The following APCDD1L variants were observed in gnomAD, a reference collection of about 807,000 sequenced individuals.
APCDD1L encodes APC down-regulated 1 like, also known as protein APCDD1-like.
A neutral mutation model predicts 24.2 loss-of-function variants in APCDD1L; 21 were observed. The ratio of observed to expected loss-of-function variants is 0.87; its 90% CI spans 0.61 to 1.25. APCDD1L has a LOEUF of 1.25. APCDD1L is among the 50% of genes most tolerant of loss of function. The pLI, the probability that APCDD1L is intolerant of heterozygous loss-of-function variation, is 0.00. For synonymous variants in APCDD1L, 321 were observed against 323.6 expected (o/e 0.99, Z 0.09); for missense variants, 704 against 711.7 (o/e 0.99, Z 0.12).
intron 1 of APCDD1L, among the ~76,000 whole-genome samples, chr20:58,512,477 C>T (rs953454560): frequency 6.6e-6 from 1 of 152,068 alleles, no homozygotes; most frequent in Non-Finnish European, 1.5e-5. Flanking sequence ...TGCTAAGCAC[C>T]CCAAAATGCA....
rs1050863874 is a variant in APCDD1L, at chr20:58,459,448, C to T, written c.*1342G>A. 6.6e-6 allele frequency: 1 copy of T among 152,028 alleles called. No homozygotes were observed. The highest frequency in any genetic ancestry group is 2.4e-5 in the African/African-American group (1 of 41,372). 9.4% of individuals were successfully genotyped at this position (152,028 alleles called of 1,614,324 possible). A position where few individuals can be genotyped will look rare whatever the true frequency, so the allele number is the denominator to read the frequency against. On this transcript the variant is annotated 3_prime_UTR_variant, in exon 4 of 4. Coordinates refer to ENST00000371149, the MANE Select transcript of APCDD1L (RefSeq NM_153360.3). ...CACACAGTCTCAGGGAGGAAAAGGG[C>T]TTCCCTCTGAAACCATCATTAACCT...
chr20:58,491,256 A>G (rs1990220720), intron 1 of APCDD1L, among the ~76,000 whole-genome samples: 1 of 152,264 alleles, frequency 6.6e-6, no homozygotes, highest in African/African-American at 2.4e-5. Flanking sequence ...TTTTACTGAC[A>G]GTCCTTGCAG....
chr20:58,515,034 C>G lies in APCDD1L; in HGVS notation c.-327G>C, dbSNP rs768496228. The G allele has an allele frequency of 6.4e-5, 17 of 265,744 alleles. No individual in the cohort carries two copies. The highest frequency in any genetic ancestry group is 9.9e-5 in the Non-Finnish European group (14 of 142,048). 16.5% of individuals were successfully genotyped at this position (265,744 alleles called of 1,614,324 possible). On this transcript the variant is annotated 5_prime_UTR_variant, in exon 1 of 4. Coordinates refer to ENST00000371149, the MANE Select transcript of APCDD1L (RefSeq NM_153360.3). ...GACCCCCAGCCCTCCCCCAGATGTC[C>G]GTCCCCTGGCCGTCGCCTTCCCCAA... is the stretch of plus-strand genomic sequence containing the variant.
chr20:58,479,200 T>C lies in APCDD1L; in HGVS notation c.50-8453A>G, dbSNP rs1402063046. 2.6e-5 allele frequency among the ~76,000 whole-genome samples: 4 copies of C among 152,356 alleles called. No homozygotes were observed. In the East Asian group the frequency reaches 7.7e-4, roughly 29 times the overall value. ...ACAGGTAAAATCAATTTTAATGATA[T>C]ATTTTATCCGGCTCCAAGTACTATA... On this transcript the variant is annotated intron_variant, in intron 1 of 3. Transcript: ENST00000371149.
chr20:58,476,307 C>T (rs1989908658), intron 1 of APCDD1L, among the ~76,000 whole-genome samples: 1 of 152,222 alleles, frequency 6.6e-6, no homozygotes, highest in South Asian at 2.1e-4. Context: ...TCTCCTGCCT[C>T]AGCCTCCTGA....
chr20:58,476,720 T>C (rs1372096563), intron 1 of APCDD1L, among the ~76,000 whole-genome samples: 2 of 152,214 alleles, frequency 1.3e-5, no homozygotes, highest in African/African-American at 2.4e-5. Flanking sequence ...CCAAGCTTTC[T>C]TGTGTAGCCT....
intron 3 of APCDD1L, among the ~76,000 whole-genome samples, chr20:58,463,892 T>TGG (rs1218452331): frequency 1.7e-5 from 1 of 59,770 alleles, no homozygotes; most frequent in African/African-American, 5.7e-5. Flanking sequence ...ACAGTTTTTT[T>TGG]TTGGGGGGGG....
Position 58,470,510 on chromosome 20 carries a change from C to G in APCDD1L, c.188+99G>C, listed in dbSNP as rs1196359105. 4.9e-6 allele frequency: 7 copies of G among 1,434,778 alleles called. No homozygotes were observed. The African/African-American group carries it at 5.7e-5, about 12-fold the overall frequency. 88.9% of individuals were successfully genotyped at this position (1,434,778 alleles called of 1,614,324 possible). The stretch of plus-strand genomic sequence containing the variant: ...GGCAGGTAGAAGGCCTCTTGGATAA[C>G]TATGTGAATTATGCCCATTTCAAAG... On this transcript the variant is annotated intron_variant, in intron 2 of 3. Coordinates refer to ENST00000371149, the MANE Select transcript of APCDD1L (RefSeq NM_153360.3).
rs1171606224 is a variant in APCDD1L, at chr20:58,494,996, T to C, written c.49+19663A>G. The stretch of plus-strand genomic sequence containing the variant: ...TTGTCTCAAGGTGGGCCCTCTGGTG[T>C]CCCCTGGAGCCTGCTGCCCCCTGCA... On this transcript the variant is annotated intron_variant, in intron 1 of 3. Transcript: ENST00000371149. The surrounding 1 kb of genome is among the most constrained non-coding windows in gnomAD (Gnocchi z 4.8). Among the ~76,000 whole-genome samples the C allele has an allele frequency of 6.6e-6, 1 of 152,118 alleles. No homozygotes were observed. The highest frequency in any genetic ancestry group is 1.5e-5 in the Non-Finnish European group (1 of 68,016).
At position 58,467,272 on chromosome 20, in the gene APCDD1L, G is replaced by A. The variant is rs1308108765; in HGVS notation, c.575C>T (p.Thr192Ile). ...QGDCLEALGL[T>I]MHELSLVRVQ... is the part of the protein sequence containing the mutation. ...GCGGACCAGGCTGAGCTCGTGCATGGTGAGGCCCAGCGCCTCCAGGCAGTC... is the reference window on the plus strand; with the variant it reads ...GCGGACCAGGCTGAGCTCGTGCATGATGAGGCCCAGCGCCTCCAGGCAGTC... The change falls in exon 3 of 4, where the codon ACC (threonine) becomes ATC (isoleucine). Residue 192 changes from threonine (T) to isoleucine (I), a missense_variant. By Grantham distance (89) the Thr-to-Ile change is moderately conservative. Coordinates refer to ENST00000371149, the MANE Select transcript of APCDD1L (RefSeq NM_153360.3). This position sits in a 1 kb window ranked among gnomAD's most constrained non-coding sequence, Gnocchi z 5.9. 3 of 1,568,040 alleles carry A rather than the reference G, an allele frequency of 1.9e-6. No individual in the cohort carries two copies. Among genetic ancestry groups the A allele is most frequent in the Admixed American group, 1.8e-5 (1 of 55,222 alleles).
chr20:58,508,488 C>T lies in APCDD1L; in HGVS notation c.49+6171G>A, dbSNP rs1337225398. On this transcript the variant is annotated intron_variant, in intron 1 of 3. Transcript: ENST00000371149. The surrounding 1 kb of genome is among the most constrained non-coding windows in gnomAD (Gnocchi z 4.0). ...TACAAGGCTTTTAAATCTCAAAATG[C>T]CCCCTGAAGTGGTTGACATCCTCGA... Among the ~76,000 whole-genome samples, 3 of 152,110 alleles carry T rather than the reference C, an allele frequency of 2.0e-5. No individual in the cohort carries two copies. Among genetic ancestry groups the T allele is most frequent in the Non-Finnish European group, 4.4e-5 (3 of 68,034 alleles).
intron 3 of APCDD1L, among the ~76,000 whole-genome samples, chr20:58,462,843 C>CA (rs59846654): frequency 0.11 from 12,537 of 114,036 alleles, 1,321 homozygotes; most frequent in East Asian, 0.3. Context: ...GACACCATCT[C>CA]AAAAAAAAAA....
chr20:58,509,309 T>C (rs1990584190), intron 1 of APCDD1L, among the ~76,000 whole-genome samples: 1 of 152,136 alleles, frequency 6.6e-6, no homozygotes. Context: ...CTAAAATCCT[T>C]CTCGTTTCCC....
At chr20:58,486,434 G>C (rs1030375403) in intron 1 of APCDD1L, among the ~76,000 whole-genome samples, 1 of 152,040 alleles carries the variant, frequency 6.6e-6, no homozygotes, top group Non-Finnish European at 1.5e-5. Flanking sequence ...AAAAGAGAGG[G>C]GATGCAAACT....
chr20:58,468,562 T>C (rs1043079636), intron 2 of APCDD1L, among the ~76,000 whole-genome samples: 1 of 152,110 alleles, frequency 6.6e-6, no homozygotes, highest in African/African-American at 2.4e-5. Context: ...CCTCTTGTAC[T>C]GCTATTTTCT....
chr20:58,487,658 A>G (rs1990146002), intron 1 of APCDD1L, among the ~76,000 whole-genome samples: 3 of 152,206 alleles, frequency 2.0e-5, no homozygotes, highest in Admixed American at 1.3e-4. Context: ...GTAAAAGGAA[A>G]CTGGGTGGCT....
In APCDD1L at chr20:58,470,613, T is replaced by C; in HGVS notation, c.184A>G (p.Thr62Ala). ...CAGGATGACCTGAAGTCTTACCCTGTGGAGATCCAAGGTCCATTAAGGCGT... is the reference window on the plus strand; with the variant it reads ...CAGGATGACCTGAAGTCTTACCCTGCGGAGATCCAAGGTCCATTAAGGCGT... ...PPRLNGPWIS[T>A]GCEVRPGPEF... Residue 62 changes from threonine (T) to alanine (A), a missense_variant, in exon 2 of 4, where the codon ACA becomes GCA. Physicochemically the swap from Thr to Ala is moderately conservative, Grantham distance 58 (BLOSUM62 0). Transcript: ENST00000371149. The C allele has an allele frequency of 6.3e-7, 1 of 1,587,604 alleles. No homozygotes were observed. The highest frequency in any genetic ancestry group is 8.6e-7 in the Non-Finnish European group (1 of 1,166,834).
chr20:58,500,347 C>T (rs1256108514), intron 1 of APCDD1L, among the ~76,000 whole-genome samples: 1 of 152,176 alleles, frequency 6.6e-6, no homozygotes, highest in African/African-American at 2.4e-5. Context: ...TAATGAGGGG[C>T]ATGCTGAGTC....
chr20:58,475,128 T>A (rs1221295138), intron 1 of APCDD1L, among the ~76,000 whole-genome samples: 3 of 152,216 alleles, frequency 2.0e-5, no homozygotes, highest in Non-Finnish European at 4.4e-5. Flanking sequence ...AACGCAGGTA[T>A]GGATCAAAGA....
Sources: allele counts gnomAD v4.1 joint callset (sites outside exome capture counted in the v4.1 genomes callset), GRCh38; gene constraint gnomAD v4.1.1; non-coding constraint Gnocchi (gnomAD v3.1); transcripts MANE v1.5; gene names NCBI Gene and HGNC (gene_info 2026-07-23, HGNC 2026-07-21).